KLC1: variants seen among roughly 807,000 people sequenced by gnomAD.
The protein encoded by KLC1 is kinesin light chain 1.
A neutral mutation model predicts 84.2 loss-of-function variants in KLC1; 30 were observed. That is an observed-to-expected ratio of 0.36 (90% CI 0.27 to 0.48). The LOEUF is 0.48. Among genes scored for constraint, KLC1 ranks in the 20% least tolerant of loss-of-function variants. The pLI is 0.99. For synonymous variants in KLC1, 289 were observed against 293.3 expected (o/e 0.99, Z 0.15); for missense variants, 499 against 805.4 (o/e 0.62, Z 4.60).
At chr14:103,700,491 G>T (rs1595638628) in intron 15 of KLC1, 164 bp from the exon 16 acceptor site, 2 of 560,532 alleles carry the variant, frequency 3.6e-6, no homozygotes, top group East Asian at 6.5e-5. Context: ...GGCCCCACGG[G>T]CCTTGCCAGC....
chr14:103,685,464 G>C (rs2081709708), intron 13 of KLC1: 1 of 1,227,346 alleles, frequency 8.1e-7, no homozygotes, highest in South Asian at 1.4e-5. Flanking sequence ...CCCAGCACCT[G>C]CTTTATGCTG....
intron 15 of KLC1, chr14:103,698,826 C>T (rs766114040): frequency 6.9e-6 from 11 of 1,604,308 alleles, no homozygotes; most frequent in African/African-American, 5.4e-5. Context: ...AGGTGTCCCT[C>T]GCACCCCTTC....
chr14:103,700,571 C>A (rs968254222), intron 15 of KLC1, 84 bp from the exon 16 acceptor site: 4 of 1,112,096 alleles, frequency 3.6e-6, no homozygotes, highest in African/African-American at 1.6e-5. Flanking sequence ...TGCAGCCACA[C>A]GCTGGTGTCA....
Position 103,694,538 on chromosome 14 carries a change from G to GTATTTCT in KLC1, c.1848+2116_1848+2122dup. 1.0e-6 allele frequency: 1 copy of GTATTTCT among 985,468 alleles called. No individual in the cohort carries two copies. The highest frequency in any genetic ancestry group is 1.2e-6 in the Non-Finnish European group (1 of 829,950). 61.0% of individuals were successfully genotyped at this position (985,468 alleles called of 1,614,324 possible). A position where few individuals can be genotyped will look rare whatever the true frequency, so the allele number is the denominator to read the frequency against. ...ACCTTTTCAAATCAATGCTGAGGCTGTATTTCTTAGCCGTCCACAAACTAG... is the reference window on the plus strand; with the variant it reads ...ACCTTTTCAAATCAATGCTGAGGCTGTATTTCTTATTTCTTAGCCGTCCACAAACTAG... On this transcript the variant is annotated intron_variant, in intron 15 of 16. Transcript: ENST00000334553. The surrounding 1 kb of genome is among the most constrained non-coding windows in gnomAD (Gnocchi z 4.5).
At chr14:103,646,228 C>T (rs2151404626) in intron 1 of KLC1, among the ~76,000 whole-genome samples, 1 of 152,278 alleles carries the variant, frequency 6.6e-6, no homozygotes, top group East Asian at 1.9e-4. Flanking sequence ...CTCTTTTAGT[C>T]ATTAGTGTGA....
intron 3 of KLC1, 37 bp from the exon 4 acceptor site, chr14:103,662,079 G>T: frequency 7.1e-7 from 1 of 1,418,070 alleles, no homozygotes; most frequent in South Asian, 1.1e-5. Flanking sequence ...TGTATAGCAC[G>T]TGTAAGATGA....
chr14:103,697,037 T>C (rs1037663416), intron 15 of KLC1: 1 of 985,362 alleles, frequency 1.0e-6, no homozygotes, highest in Non-Finnish European at 1.2e-6. Context: ...CTCTGTTAAA[T>C]GTACCTCTGT....
At chr14:103,649,699 T>G (rs2078251985) in intron 1 of KLC1, among the ~76,000 whole-genome samples, 1 of 140,414 alleles carries the variant, frequency 7.1e-6, no homozygotes. Flanking sequence ...TTCTTATGTG[T>G]TTTTTTTTTT....
intron 15 of KLC1, chr14:103,696,490 G>A: frequency 1.0e-6 from 1 of 984,906 alleles, no homozygotes; most frequent in East Asian, 1.1e-4. Flanking sequence ...ATGTATAACA[G>A]GTTTTCCATT....
intron 15 of KLC1, chr14:103,696,295 C>T (rs2082510593): frequency 1.0e-6 from 1 of 985,302 alleles, no homozygotes; most frequent in Non-Finnish European, 1.2e-6. Flanking sequence ...CAGGGGTCCT[C>T]AGAGGCCGGT....
intron 13 of KLC1, chr14:103,685,261 C>T (rs769632803): frequency 1.7e-5 from 24 of 1,384,278 alleles, no homozygotes; most frequent in South Asian, 3.4e-5. Context: ...AAAGTCATAC[C>T]TGTAGCCTTT....
Position 103,696,111 on chromosome 14 carries a change from C to A in KLC1, c.1848+3686C>A, listed in dbSNP as rs969557205. ...CACTGCGCCCCCGCCCCCCGCCCCC[C>A]CCCACAGCAGCCGTGTGTGCAGCGC... On this transcript the variant is annotated intron_variant, in intron 15 of 16. Coordinates refer to ENST00000334553, the MANE Select transcript of KLC1 (RefSeq NM_001394837.1). 7.8e-4 allele frequency: 708 copies of A among 912,474 alleles called. 4 individuals are homozygous for A. Among genetic ancestry groups the A allele is most frequent in the Non-Finnish European group, 8.9e-4 (684 of 771,186 alleles). 56.5% of individuals were successfully genotyped at this position (912,474 alleles called of 1,614,324 possible). A position where few individuals can be genotyped will look rare whatever the true frequency, so the allele number is the denominator to read the frequency against.
chr14:103,662,804 C>T lies in KLC1; in HGVS notation c.674C>T (p.Ser225Leu), dbSNP rs189060211. ...CACAACCTGGTGATCCAGTACGCCT[C>T]GCAGGGGCGCTACGAGGTAGCTGTG... The part of the protein sequence containing the change: ...TLHNLVIQYA[S>L]QGRYEVAVPL... Residue 225 changes from serine to leucine, a missense_variant, in exon 5 of 17, where the codon TCG becomes TTG. Ser to Leu is a moderately radical substitution (Grantham distance 145). Around this residue, in one of 3 missense-constraint regions of KLC1, gnomAD observed 153 missense variants for 332.4 expected, o/e 0.46. Transcript: ENST00000334553. The T allele has an allele frequency of 3.7e-6, 6 of 1,612,934 alleles. No homozygotes were observed. Among genetic ancestry groups the T allele is most frequent in the Non-Finnish European group, 5.1e-6 (6 of 1,179,850 alleles).
chr14:103,646,552 C>A (rs1026404136), intron 1 of KLC1, among the ~76,000 whole-genome samples: 2 of 152,082 alleles, frequency 1.3e-5, no homozygotes, highest in Non-Finnish European at 2.9e-5. Context: ...ACTCTGTCAC[C>A]CAGGCTGAAG....
intron 2 of KLC1, among the ~76,000 whole-genome samples, 153 bp from the exon 3 acceptor site, chr14:103,657,393 A>T (rs538128260): frequency 6.6e-6 from 1 of 152,134 alleles, no homozygotes. Context: ...TGAAGGGGAA[A>T]AGAGAAGTAA....
In KLC1 at chr14:103,673,141, A is replaced by G; in HGVS notation, c.1115A>G (p.Lys372Arg). 6.2e-7 allele frequency: 1 copy of G among 1,614,022 alleles called. No homozygotes were observed. Among genetic ancestry groups the G allele is most frequent in the Non-Finnish European group, 8.5e-7 (1 of 1,179,988 alleles). The change falls in exon 8 of 17, where the codon AAA (lysine) becomes AGA (arginine). Residue 372 changes from lysine to arginine, a missense_variant. Physicochemically the swap from Lys to Arg is conservative, Grantham distance 26 (BLOSUM62 2). Coordinates refer to ENST00000334553, the MANE Select transcript of KLC1 (RefSeq NM_001394837.1). ...YQRALEIYQT[K>R]LGPDDPNVAK... Reference sequence around the variant, plus strand: ...AGAGCCCTCGAGATCTACCAGACAAAACTGGGACCTGATGACCCCAACGTG... The same window carrying G: ...AGAGCCCTCGAGATCTACCAGACAAGACTGGGACCTGATGACCCCAACGTG...
intron 1 of KLC1, among the ~76,000 whole-genome samples, chr14:103,650,110 CT>C (rs534960975): frequency 0.013 from 1,928 of 144,984 alleles, 38 homozygotes; most frequent in African/African-American, 0.046. Context: ...TTAAATAGGA[CT>C]TTTTTTTTTT....
At chr14:103,696,044 G>T in intron 15 of KLC1, 3 of 984,984 alleles carry the variant, frequency 3.0e-6, no homozygotes, top group Non-Finnish European at 3.6e-6. Flanking sequence ...AACCCCACGC[G>T]AGAGTCAGCA....
chr14:103,667,312 A>G (rs1012881455), intron 5 of KLC1, among the ~76,000 whole-genome samples: 2 of 150,100 alleles, frequency 1.3e-5, no homozygotes, highest in Admixed American at 6.6e-5. Flanking sequence ...GGGTCTTGCT[A>G]TGTTGGTTGA....
Sources: allele counts gnomAD v4.1 joint callset (sites outside exome capture counted in the v4.1 genomes callset), GRCh38; gene constraint gnomAD v4.1.1; regional missense constraint gnomAD v4.1.1; non-coding constraint Gnocchi (gnomAD v3.1); transcripts MANE v1.5; gene names NCBI Gene and HGNC (gene_info 2026-07-23, HGNC 2026-07-21).